The following GRAMD1C variants were observed in gnomAD, a reference collection of about 807,000 sequenced individuals.
GRAMD1C encodes the protein protein Aster-C.
A neutral mutation model predicts 97.8 loss-of-function variants in GRAMD1C; 89 were observed. The observed-to-expected ratio is 0.91, with a 90% CI of 0.77 to 1.09. The LOEUF (loss-of-function observed/expected upper bound fraction) is 1.09. Among genes scored for constraint, GRAMD1C ranks in the 50% least tolerant of loss-of-function variants. The pLI, the probability that GRAMD1C is intolerant of heterozygous loss-of-function variation, is 0.00. For missense variants in GRAMD1C, 740 were observed against 766.4 expected (o/e 0.97, Z 0.41); for synonymous variants, 256 against 267.0 (o/e 0.96, Z 0.40).
chr3:113,944,854 T>G (rs1312191331), intron 17 of GRAMD1C, among the ~76,000 whole-genome samples: 1 of 152,206 alleles, frequency 6.6e-6, no homozygotes, highest in Non-Finnish European at 1.5e-5. Flanking sequence ...TTGCACACAA[T>G]TTTCTTAGAG....
chr3:113,908,858 A>G, intron 8 of GRAMD1C, 100 bp from the exon 9 acceptor site: 1 of 646,690 alleles, frequency 1.5e-6, no homozygotes, highest in Non-Finnish European at 2.6e-6. Flanking sequence ...AATATTCTTC[A>G]AAGCTCAATA....
At chr3:113,900,223 G>A (rs573818678) in intron 6 of GRAMD1C, among the ~76,000 whole-genome samples, 46 of 151,400 alleles carry the variant, frequency 3.0e-4, no homozygotes, top group African/African-American at 1.1e-3. Flanking sequence ...GCTGGGTGTG[G>A]TGGTGCACAC....
intron 2 of GRAMD1C, chr3:113,850,790 AT>A: frequency 2.6e-6 from 2 of 777,816 alleles, no homozygotes; most frequent in Non-Finnish European, 3.7e-6. Context: ...TTTTTTTTTT[AT>A]TTTTATTTTT....
intron 10 of GRAMD1C, among the ~76,000 whole-genome samples, chr3:113,927,104 G>A (rs942480418): frequency 7.2e-5 from 11 of 152,014 alleles, no homozygotes; most frequent in South Asian, 2.1e-4. Context: ...TTTCACAGGT[G>A]TTGTATACTG....
intron 9 of GRAMD1C, among the ~76,000 whole-genome samples, chr3:113,915,153 G>A (rs1936761006): frequency 6.6e-6 from 1 of 152,172 alleles, no homozygotes; most frequent in South Asian, 2.1e-4. Context: ...TTCTTTTAAT[G>A]TGTGATGTTG....
At chr3:113,875,719 G>A (rs1398923687) in intron 4 of GRAMD1C, 132 bp downstream of exon 4, 7 of 462,608 alleles carry the variant, frequency 1.5e-5, no homozygotes, top group Non-Finnish European at 2.5e-5. Flanking sequence ...TAGTGTGCAT[G>A]TAAATACAAA....
chr3:113,905,158 G>A (rs372278530), intron 8 of GRAMD1C, among the ~76,000 whole-genome samples: 13 of 152,266 alleles, frequency 8.5e-5, no homozygotes, highest in African/African-American at 3.1e-4. Context: ...TTATTCCAGT[G>A]TGCTTCAATC....
At position 113,902,879 on chromosome 3, in the gene GRAMD1C, G is replaced by A. The variant is rs544707392; in HGVS notation, c.657-1261G>A. Among the ~76,000 whole-genome samples the A allele has an allele frequency of 2.3e-4, 35 of 152,048 alleles. 1 individual carries two copies. The East Asian group carries it at 6.8e-3, about 30-fold the overall frequency. ...TGGTCTTGAACTCCTGACCTTAAGT[G>A]ATCCACCCTGCCTCGGCCTCCCAAA... On this transcript the variant is annotated intron_variant, in intron 7 of 17. Transcript: ENST00000358160.
upstream of GRAMD1C, among the ~76,000 whole-genome samples, chr3:113,836,626 G>GTTATTA (rs904426184): frequency 6.6e-6 from 1 of 151,028 alleles, no homozygotes; most frequent in Non-Finnish European, 1.5e-5. Flanking sequence ...ATAGCCACAA[G>GTTATTA]TTATTATTAT....
Position 113,946,589 on chromosome 3 carries a change from C to G in GRAMD1C, c.*1111C>G, listed in dbSNP as rs1443409492. 1 of 152,094 alleles carries G rather than the reference C, an allele frequency of 6.6e-6. No homozygotes were observed. Among genetic ancestry groups the G allele is most frequent in the African/African-American group, 2.4e-5 (1 of 41,430 alleles). The allele number at this position is 152,094 out of a possible 1,614,324, so 9.4% of individuals were successfully genotyped here. The stretch of plus-strand genomic sequence containing the variant: ...ACTGACTTAAAATCAGATATTTTTT[C>G]AAGAGTTAGGGAAAGTTGAAGTGTT... On this transcript the variant is annotated 3_prime_UTR_variant, in exon 18 of 18. Transcript: ENST00000358160.
At chr3:113,912,714 A>C (rs373635180) in intron 9 of GRAMD1C, among the ~76,000 whole-genome samples, 3 of 151,916 alleles carry the variant, frequency 2.0e-5, no homozygotes, top group Admixed American at 1.3e-4. Context: ...AGCCTGGGCG[A>C]CAAAAGAGCC....
chr3:113,893,446 A>G (rs998259600), intron 6 of GRAMD1C, among the ~76,000 whole-genome samples: 1 of 149,770 alleles, frequency 6.7e-6, no homozygotes, highest in African/African-American at 2.5e-5. Context: ...TCTTATTCCC[A>G]CTCTAGTTCT....
chr3:113,940,362 A>G lies in GRAMD1C; in HGVS notation c.1908+17A>G, dbSNP rs1276082881. ...CTTGAACAGGTAGGCAACTCGATACATCACAGTACTTAGTATCTTTGTCCC... is the reference window on the plus strand; with the variant it reads ...CTTGAACAGGTAGGCAACTCGATACGTCACAGTACTTAGTATCTTTGTCCC... On this transcript the variant is annotated intron_variant, in intron 17 of 17. Coordinates refer to ENST00000358160, the MANE Select transcript of GRAMD1C (RefSeq NM_017577.5). The G allele has an allele frequency of 1.7e-6, 2 of 1,189,284 alleles. No homozygotes were observed. Among genetic ancestry groups the G allele is most frequent in the Non-Finnish European group, 2.5e-6 (2 of 793,146 alleles). The allele number at this position is 1,189,284 out of a possible 1,614,324, so 73.7% of individuals were successfully genotyped here. A position where few individuals can be genotyped will look rare whatever the true frequency, so the allele number is the denominator to read the frequency against.
rs1461928058 is a variant in GRAMD1C, at chr3:113,860,029, T to A, written c.175-9478T>A. 3.4e-5 allele frequency among the ~76,000 whole-genome samples: 5 copies of A among 148,128 alleles called. No homozygotes were observed. In the South Asian group the frequency reaches 8.5e-4, roughly 25 times the overall value. ...ATCAAATGAATAAAATAGGAATAAA[T>A]TTTTTTTTTTGACATGGAGGCTTGC... On this transcript the variant is annotated intron_variant, in intron 2 of 17. Coordinates refer to ENST00000358160, the MANE Select transcript of GRAMD1C (RefSeq NM_017577.5).
chr3:113,907,478 G>A (rs1206713773), intron 8 of GRAMD1C, among the ~76,000 whole-genome samples: 1 of 151,988 alleles, frequency 6.6e-6, no homozygotes, highest in Non-Finnish European at 1.5e-5. Flanking sequence ...ATGTTTTCAG[G>A]TTATAGAATA....
chr3:113,919,009 G>T (rs1203452340), intron 10 of GRAMD1C, among the ~76,000 whole-genome samples: 4 of 152,142 alleles, frequency 2.6e-5, no homozygotes, highest in African/African-American at 9.7e-5. Flanking sequence ...TCTTGAGATC[G>T]AGTTTCAAAG....
At chr3:113,933,750 T>C (rs2107371209) in intron 12 of GRAMD1C, 97 bp downstream of exon 12, 4 of 828,354 alleles carry the variant, frequency 4.8e-6, no homozygotes, top group South Asian at 4.0e-5. Context: ...ACAACAGTTT[T>C]ATTTCTTGCT....
intron 10 of GRAMD1C, among the ~76,000 whole-genome samples, chr3:113,924,643 A>C (rs1470551761): frequency 2.6e-5 from 4 of 152,078 alleles, no homozygotes; most frequent in Admixed American, 2.6e-4. Flanking sequence ...TGGTTAATAT[A>C]ATTTTGGGTG....
Position 113,941,337 on chromosome 3 carries a change from T to C in GRAMD1C, c.1908+992T>C, listed in dbSNP as rs149753515. Among the ~76,000 whole-genome samples, 1,087 of 152,310 alleles carry C rather than the reference T, an allele frequency of 7.1e-3. 16 individuals are homozygous for C. The highest frequency in any genetic ancestry group is 0.024 in the African/African-American group (990 of 41,564). Reference sequence around the variant, plus strand: ...ATCTGGAAACTCATGCCTATAATTCTGGAATTTTTCTTGAGTCATATAGTT... The same window carrying C: ...ATCTGGAAACTCATGCCTATAATTCCGGAATTTTTCTTGAGTCATATAGTT... On this transcript the variant is annotated intron_variant, in intron 17 of 17. Coordinates refer to ENST00000358160, the MANE Select transcript of GRAMD1C (RefSeq NM_017577.5).
Sources: gnomAD v4.1 joint callset for allele counts (sites outside exome capture counted in the v4.1 genomes callset) on GRCh38, gnomAD v4.1.1 for gene constraint, MANE v1.5 for transcripts, NCBI Gene and HGNC (gene_info 2026-07-23, HGNC 2026-07-21) for gene names.